The following ZNF385B variants were observed in gnomAD, a reference collection of about 807,000 sequenced individuals.
ZNF385B encodes the protein zinc finger protein 533.
ZNF385B carries 23 observed loss-of-function variants against 39.2 expected under a neutral mutation model. The observed-to-expected ratio is 0.59, with a 90% CI of 0.42 to 0.83. The LOEUF is 0.83. Among genes scored for constraint, ZNF385B ranks in the 40% least tolerant of loss-of-function variants. ZNF385B has a pLI of 0.00. For missense variants in ZNF385B, 552 were observed against 598.9 expected, an observed-to-expected ratio of 0.92 and a Z score of 0.82; for synonymous variants, 205 against 222.6, an observed-to-expected ratio of 0.92 and a Z score of 0.70.
At chr2:179,621,088 A>T (rs957344866) in intron 3 of ZNF385B, among the ~76,000 whole-genome samples, 3 of 152,178 alleles carry the variant, frequency 2.0e-5, no homozygotes, top group Non-Finnish European at 4.4e-5. Flanking sequence ...AATACTTCAT[A>T]ATATATCAGG....
chr2:179,765,987 G>A (rs1030934897), intron 3 of ZNF385B, among the ~76,000 whole-genome samples: 2 of 148,250 alleles, frequency 1.3e-5, no homozygotes, highest in Non-Finnish European at 3.0e-5. Flanking sequence ...AAAGGATTTT[G>A]CTGCTACTTT....
At chr2:179,623,480 T>C (rs1340188219) in intron 3 of ZNF385B, among the ~76,000 whole-genome samples, 1 of 152,160 alleles carries the variant, frequency 6.6e-6, no homozygotes, top group Non-Finnish European at 1.5e-5. Flanking sequence ...CCCCCTTCCC[T>C]GATCCTCCAC....
intron 5 of ZNF385B, among the ~76,000 whole-genome samples, chr2:179,488,701 G>GT (rs1312499050): frequency 2.6e-5 from 4 of 152,036 alleles, no homozygotes; most frequent in East Asian, 1.9e-4. Flanking sequence ...ACTGGCATCT[G>GT]TTTTTTTCCT....
intron 3 of ZNF385B, among the ~76,000 whole-genome samples, chr2:179,606,267 C>T (rs934530002): frequency 2.0e-5 from 3 of 152,108 alleles, no homozygotes; most frequent in African/African-American, 7.2e-5. Context: ...CTAAGCACTT[C>T]TTTAAAAGGT....
chr2:179,609,326 G>A (rs537986709), intron 3 of ZNF385B, among the ~76,000 whole-genome samples: 6 of 152,180 alleles, frequency 3.9e-5, no homozygotes, highest in South Asian at 2.1e-4. Context: ...AACATGTGAC[G>A]TTTGCTTTTC....
At position 179,799,223 on chromosome 2, in the gene ZNF385B, G is replaced by A. The variant is rs188591251; in HGVS notation, c.-154-28551C>T. On this transcript the variant is annotated intron_variant, in intron 1 of 9. Transcript: ENST00000410066. ...TACTGATTCAGCAACATAGTCGAAC[G>A]AAAAAGGTGTCCTGCTTCATGGTGA... is the stretch of plus-strand genomic sequence containing the variant. Among the ~76,000 whole-genome samples, 29 of 152,048 alleles carry A rather than the reference G, an allele frequency of 1.9e-4. 1 individual carries two copies. The South Asian group carries it at 3.5e-3, about 19-fold the overall frequency.
chr2:179,491,352 A>G (rs923209696), intron 5 of ZNF385B, among the ~76,000 whole-genome samples: 6 of 152,208 alleles, frequency 3.9e-5, no homozygotes, highest in Admixed American at 6.5e-5. Flanking sequence ...TGACAAATGT[A>G]TATGTAAACT....
At chr2:179,689,649 C>T (rs907382240) in intron 3 of ZNF385B, among the ~76,000 whole-genome samples, 1 of 152,138 alleles carries the variant, frequency 6.6e-6, no homozygotes, top group Non-Finnish European at 1.5e-5. Context: ...ATTCCCCATT[C>T]CTCACCCTGC....
intron 1 of ZNF385B, among the ~76,000 whole-genome samples, chr2:179,850,128 G>A (rs975150461): frequency 9.9e-5 from 15 of 152,104 alleles, no homozygotes; most frequent in African/African-American, 3.4e-4. Context: ...TAAAAAGCTG[G>A]GGGGGAAAGG....
At chr2:179,500,328 A>G (rs895493574) in intron 5 of ZNF385B, among the ~76,000 whole-genome samples, 4 of 152,134 alleles carry the variant, frequency 2.6e-5, no homozygotes, top group Non-Finnish European at 4.4e-5. Context: ...CCAAAAGAAC[A>G]AAACTGGAGG....
At chr2:179,703,890 C>T (rs2106369821) in intron 3 of ZNF385B, among the ~76,000 whole-genome samples, 1 of 152,280 alleles carries the variant, frequency 6.6e-6, no homozygotes, top group East Asian at 1.9e-4. Flanking sequence ...AGCAGGGCTC[C>T]TGACCACAGT....
intron 3 of ZNF385B, among the ~76,000 whole-genome samples, chr2:179,679,082 A>G (rs184106123): frequency 1.8e-4 from 28 of 152,332 alleles, no homozygotes; most frequent in Admixed American, 1.4e-3. Context: ...AGTCTAATAT[A>G]TAGAAGGAAC....
At chr2:179,540,603 G>A (rs1410611672) in intron 4 of ZNF385B, among the ~76,000 whole-genome samples, 1 of 152,134 alleles carries the variant, frequency 6.6e-6, no homozygotes, top group Admixed American at 6.5e-5. Context: ...TTAATAGATG[G>A]GGGAGTATGA....
intron 1 of ZNF385B, among the ~76,000 whole-genome samples, chr2:179,854,232 G>A (rs1684404901): frequency 6.6e-6 from 1 of 152,114 alleles, no homozygotes; most frequent in Non-Finnish European, 1.5e-5. Flanking sequence ...TCTCTGTGAA[G>A]TTTAAATGCT....
intron 3 of ZNF385B, among the ~76,000 whole-genome samples, chr2:179,742,475 T>C (rs917622299): frequency 6.6e-6 from 1 of 152,094 alleles, no homozygotes; most frequent in Non-Finnish European, 1.5e-5. Context: ...AAATATTGCA[T>C]TGGATATATA....
intron 4 of ZNF385B, among the ~76,000 whole-genome samples, chr2:179,526,790 A>T (rs960660930): frequency 2.6e-5 from 4 of 152,170 alleles, no homozygotes; most frequent in Admixed American, 2.0e-4. Flanking sequence ...TGAAAGGAAG[A>T]TGAATGGCAT....
At chr2:179,760,223 C>CGCGTGTGT (rs11282329) in intron 3 of ZNF385B, among the ~76,000 whole-genome samples, 4,209 of 144,510 alleles carry the variant, frequency 0.029, 62 homozygotes, top group African/African-American at 0.037. Flanking sequence ...TTCCTGTGTG[C>CGCGTGTGT]GTGTGTGTGT....
At chr2:179,846,665 G>A (rs1338810924) in intron 1 of ZNF385B, among the ~76,000 whole-genome samples, 1 of 152,176 alleles carries the variant, frequency 6.6e-6, no homozygotes, top group Non-Finnish European at 1.5e-5. Flanking sequence ...CTTTAGTGGA[G>A]ACAACAGTAT....
chr2:179,501,589 C>T (rs988342536), intron 5 of ZNF385B, among the ~76,000 whole-genome samples: 5 of 151,716 alleles, frequency 3.3e-5, no homozygotes, highest in Non-Finnish European at 5.9e-5. Flanking sequence ...GGAAGGGTAG[C>T]GGGGAGCTGG....
Sources: allele counts gnomAD v4.1 joint callset (sites outside exome capture counted in the v4.1 genomes callset), GRCh38; gene constraint gnomAD v4.1.1; transcripts MANE v1.5; gene names NCBI Gene and HGNC (gene_info 2026-07-23, HGNC 2026-07-21).